The following MAP4K4 variants were observed in gnomAD, a reference collection of about 807,000 sequenced individuals.
MAP4K4 encodes the protein HPK/GCK-like kinase HGK.
MAP4K4 carries 38 observed loss-of-function variants against 189.6 expected under a neutral mutation model. The observed-to-expected ratio is 0.20, with a 90% CI of 0.15 to 0.26. The LOEUF (loss-of-function observed/expected upper bound fraction) is 0.26. Among genes scored for constraint, MAP4K4 ranks in the 10% least tolerant of loss-of-function variants. The probability of loss-of-function intolerance (pLI) is 1.00; values close to 1 mark genes in which losing one functional copy is unlikely to be tolerated. For missense variants in MAP4K4, 1,054 were observed against 1,726.9 expected, an observed-to-expected ratio of 0.61 and a Z score of 6.91; for synonymous variants, 610 against 624.3, an observed-to-expected ratio of 0.98 and a Z score of 0.34.
chr2:101,789,273 T>C (rs991350645), intron 2 of MAP4K4, among the ~76,000 whole-genome samples: 1 of 152,206 alleles, frequency 6.6e-6, no homozygotes, highest in African/African-American at 2.4e-5. Flanking sequence ...TCTTTCTCCT[T>C]GGGTTCAACA....
chr2:101,850,623 C>G (rs989603205), intron 12 of MAP4K4, among the ~76,000 whole-genome samples: 1 of 152,186 alleles, frequency 6.6e-6, no homozygotes, highest in African/African-American at 2.4e-5. Context: ...CTTTAATACA[C>G]ACAGTAATCA....
At chr2:101,706,129 G>A (rs1231771123) in intron 2 of MAP4K4, among the ~76,000 whole-genome samples, 1 of 152,152 alleles carries the variant, frequency 6.6e-6, no homozygotes, top group East Asian at 1.9e-4. Flanking sequence ...AAAAGTCAGA[G>A]TCATCCTGTT....
chr2:101,739,380 A>G (rs1368713509), intron 2 of MAP4K4, among the ~76,000 whole-genome samples: 2 of 148,054 alleles, frequency 1.4e-5, no homozygotes, highest in Non-Finnish European at 3.0e-5. Context: ...TAGGAGTCCT[A>G]AAGTCTTTTT....
intron 26 of MAP4K4, among the ~76,000 whole-genome samples, chr2:101,876,059 A>T (rs140624567): frequency 1.3e-5 from 2 of 152,308 alleles, no homozygotes; most frequent in East Asian, 3.9e-4. Context: ...AAGGGAAAGG[A>T]GGGACAGAGA....
intron 2 of MAP4K4, among the ~76,000 whole-genome samples, chr2:101,749,931 A>C (rs1474720564): frequency 2.6e-5 from 3 of 115,788 alleles, no homozygotes; most frequent in Admixed American, 8.1e-5. Flanking sequence ...ACTGGCCATC[A>C]GAGAAATGCA....
At chr2:101,889,831 G>A (rs1257806253) in intron 32 of MAP4K4, among the ~76,000 whole-genome samples, 1 of 152,166 alleles carries the variant, frequency 6.6e-6, no homozygotes, top group Non-Finnish European at 1.5e-5. Flanking sequence ...CTACACATAT[G>A]TCCTTGGCAG....
At chr2:101,815,752 C>G (rs1293378961) in intron 3 of MAP4K4, among the ~76,000 whole-genome samples, 2 of 152,224 alleles carry the variant, frequency 1.3e-5, no homozygotes, top group Admixed American at 6.5e-5. Context: ...TTTGGCCCCA[C>G]TATCGAGGCC....
chr2:101,807,381 T>G (rs1004346676), intron 3 of MAP4K4, among the ~76,000 whole-genome samples: 7 of 152,088 alleles, frequency 4.6e-5, no homozygotes, highest in Non-Finnish European at 8.8e-5. Context: ...CACCTGTATT[T>G]TAGCCCAACA....
intron 29 of MAP4K4, among the ~76,000 whole-genome samples, chr2:101,885,506 T>G (rs377564647): frequency 6.6e-6 from 1 of 152,318 alleles, no homozygotes; most frequent in East Asian, 1.9e-4. Context: ...AAATGTTGGG[T>G]AGACACTTTA....
At chr2:101,803,014 G>A (rs572557142) in intron 3 of MAP4K4, among the ~76,000 whole-genome samples, 2 of 152,284 alleles carry the variant, frequency 1.3e-5, no homozygotes, top group East Asian at 3.9e-4. Flanking sequence ...TCGAACTACT[G>A]ACCTCAGGTG....
exon 14 of MAP4K4, chr2:101,859,002 A>T: frequency 6.2e-7 from 1 of 1,611,466 alleles, no homozygotes; most frequent in Non-Finnish European, 8.5e-7. Flanking sequence ...ACAGGAGTAT[A>T]TCAGGCGACA....
At chr2:101,704,541 G>GTATA (rs1332013927) in intron 2 of MAP4K4, among the ~76,000 whole-genome samples, 6 of 80,480 alleles carry the variant, frequency 7.5e-5, no homozygotes, top group Non-Finnish European at 1.3e-4. Flanking sequence ...GTGTGTGTGT[G>GTATA]TATATATATA....
chr2:101,870,492 T>G, intron 23 of MAP4K4, 77 bp downstream of exon 23: 1 of 1,567,292 alleles, frequency 6.4e-7, no homozygotes, highest in Non-Finnish European at 8.7e-7. Flanking sequence ...CACTCACTCA[T>G]GCTGTTTCTC....
At chr2:101,835,763 G>A (rs560210801) in intron 8 of MAP4K4, 137 bp from the exon 9 acceptor site, 1 of 539,466 alleles carries the variant, frequency 1.9e-6, no homozygotes, top group African/African-American at 1.9e-5. Flanking sequence ...TTCATAACTA[G>A]ATGTCTAGAC....
chr2:101,839,446 T>C lies in MAP4K4; in HGVS notation c.774-373T>C, dbSNP rs540070320. On this transcript the variant is annotated intron_variant, in intron 9 of 32. Transcript: ENST00000324219. ...GTCCTTGTCTTCTAGGTACCAGACA[T>C]CTGTCCTGTCTGCCTTCATTTTATC... 1.8e-4 allele frequency among the ~76,000 whole-genome samples: 28 copies of C among 152,332 alleles called. No individual in the cohort carries two copies. In the South Asian group the frequency reaches 5.8e-3, roughly 32 times the overall value.
At chr2:101,870,842 C>T (rs1029627182) in intron 23 of MAP4K4, among the ~76,000 whole-genome samples, 6 of 152,098 alleles carry the variant, frequency 3.9e-5, no homozygotes, top group African/African-American at 9.7e-5. Context: ...GCAGGCAGGA[C>T]GAGCCTCATC....
chr2:101,860,985 A>G, exon 16 of MAP4K4: 1 of 1,591,448 alleles, frequency 6.3e-7, no homozygotes, highest in Admixed American at 1.8e-5. Flanking sequence ...GCGGAGCCAC[A>G]GGTAGCGACA....
intron 2 of MAP4K4, among the ~76,000 whole-genome samples, chr2:101,765,017 G>C (rs1270825137): frequency 6.6e-6 from 1 of 152,124 alleles, no homozygotes; most frequent in Non-Finnish European, 1.5e-5. Flanking sequence ...ATGTTAATCA[G>C]AATTTAAGTA....
chr2:101,822,383 A>T (rs972616319), intron 3 of MAP4K4, among the ~76,000 whole-genome samples: 1 of 152,210 alleles, frequency 6.6e-6, no homozygotes, highest in African/African-American at 2.4e-5. Context: ...TATGTAGTGC[A>T]TGACTGTAGT....
Sources: gnomAD v4.1 joint callset for allele counts (sites outside exome capture counted in the v4.1 genomes callset) on GRCh38, gnomAD v4.1.1 for gene constraint, MANE v1.5 for transcripts, NCBI Gene and HGNC (gene_info 2026-07-23, HGNC 2026-07-21) for gene names.